The following TUBGCP3 variants were observed in gnomAD, a reference collection of about 807,000 sequenced individuals.
TUBGCP3 encodes the protein gamma-tubulin complex component 3.
In TUBGCP3, 50 loss-of-function variants were observed where a neutral mutation model predicts 123.1. That is an observed-to-expected ratio of 0.41 (90% CI 0.32 to 0.51). TUBGCP3 has a LOEUF of 0.51. Ranked by LOEUF, TUBGCP3 falls within the 20% of genes least tolerant of loss-of-function variation. The pLI, the probability that TUBGCP3 is intolerant of heterozygous loss-of-function variation, is 0.36. For synonymous variants in TUBGCP3, 405 were observed against 413.9 expected, an observed-to-expected ratio of 0.98 and a Z score of 0.26; for missense variants, 882 against 1,127.0, an observed-to-expected ratio of 0.78 and a Z score of 3.11.
intron 10 of TUBGCP3, chr13:112,547,154 C>T (rs1434983587): frequency 3.1e-6 from 1 of 326,250 alleles, no homozygotes; most frequent in Non-Finnish European, 5.5e-6. Flanking sequence ...CCGAGAGTCA[C>T]CAACATGGTC....
intron 11 of TUBGCP3, among the ~76,000 whole-genome samples, chr13:112,541,279 C>T (rs1878496303): frequency 6.6e-6 from 1 of 152,168 alleles, no homozygotes; most frequent in Non-Finnish European, 1.5e-5. Context: ...TGGTGGCTCT[C>T]GCCTGTAATC....
At chr13:112,568,541 C>T (rs1156743993) in intron 2 of TUBGCP3, among the ~76,000 whole-genome samples, 3 of 140,384 alleles carry the variant, frequency 2.1e-5, no homozygotes, top group Non-Finnish European at 4.7e-5. Context: ...GAAGGTGTTA[C>T]TACTGAGACC....
At chr13:112,557,884 ACAGT>A (rs1378657176) in intron 5 of TUBGCP3, among the ~76,000 whole-genome samples, 1 of 152,254 alleles carries the variant, frequency 6.6e-6, no homozygotes, top group Non-Finnish European at 1.5e-5. Context: ...ATCTGAGCAC[ACAGT>A]CAGAGAGCCT....
At chr13:112,530,337 T>C (rs906659708) in intron 11 of TUBGCP3, among the ~76,000 whole-genome samples, 5 of 152,264 alleles carry the variant, frequency 3.3e-5, no homozygotes, top group Non-Finnish European at 5.9e-5. Context: ...TACAAAATAT[T>C]ACCATGTAGT....
At chr13:112,565,795 T>A (rs1880910598) in intron 2 of TUBGCP3, among the ~76,000 whole-genome samples, 1 of 152,022 alleles carries the variant, frequency 6.6e-6, no homozygotes, top group South Asian at 2.1e-4. Flanking sequence ...ATTAGCTGGG[T>A]GTGTTAGCGG....
chr13:112,533,385 T>G (rs1877754974), intron 11 of TUBGCP3, among the ~76,000 whole-genome samples: 1 of 152,194 alleles, frequency 6.6e-6, no homozygotes, highest in Admixed American at 6.5e-5. Context: ...TCTCTCATGT[T>G]TGCAAAAGCA....
chr13:112,497,473 C>T (rs1357321682), intron 20 of TUBGCP3, among the ~76,000 whole-genome samples: 2 of 152,210 alleles, frequency 1.3e-5, no homozygotes, highest in East Asian at 3.8e-4. Context: ...ACATATGGTC[C>T]TCTAACACAG....
the TUBGCP3 span, among the ~76,000 whole-genome samples, chr13:112,597,767 T>C: frequency 6.6e-6 from 1 of 150,690 alleles, no homozygotes; most frequent in Non-Finnish European, 1.5e-5. Flanking sequence ...GAAAACATGC[T>C]GAGAAAAGGA....
intron 11 of TUBGCP3, among the ~76,000 whole-genome samples, chr13:112,539,232 T>C (rs901575681): frequency 1.3e-5 from 2 of 152,146 alleles, no homozygotes; most frequent in African/African-American, 2.4e-5. Flanking sequence ...ATCTGGAAGA[T>C]GGGGAAGGGA....
At chr13:112,550,230 C>G (rs938718402) in intron 8 of TUBGCP3, among the ~76,000 whole-genome samples, 1 of 152,016 alleles carries the variant, frequency 6.6e-6, no homozygotes. Context: ...TTTTATCCAG[C>G]AAAACTCCAT....
chr13:112,598,860 C>T, the TUBGCP3 span, among the ~76,000 whole-genome samples: 2 of 151,280 alleles, frequency 1.3e-5, no homozygotes, highest in Non-Finnish European at 2.9e-5. Flanking sequence ...GCAGGAGAAT[C>T]GCTTGAACCT....
At chr13:112,495,376 A>G (rs1046149032) in intron 20 of TUBGCP3, among the ~76,000 whole-genome samples, 2 of 152,174 alleles carry the variant, frequency 1.3e-5, no homozygotes, top group Non-Finnish European at 2.9e-5. Flanking sequence ...AGGAGCGTGT[A>G]TGTCTCACTC....
intron 21 of TUBGCP3, among the ~76,000 whole-genome samples, chr13:112,488,493 G>T (rs965154222): frequency 3.9e-5 from 6 of 152,190 alleles, no homozygotes; most frequent in Non-Finnish European, 8.8e-5. Context: ...CCCAGGCTGG[G>T]CAGCTGTCTC....
chr13:112,547,582 C>A lies in TUBGCP3; in HGVS notation c.1168+38G>T, dbSNP rs374508177. On this transcript the variant is annotated intron_variant, in intron 10 of 21. Coordinates refer to ENST00000261965, the MANE Select transcript of TUBGCP3 (RefSeq NM_006322.6). ...GAAAGTCGCGCGTGGGAAAGTCGCG[C>A]GTGGGAAAGACGTGCGTGGGAAAGA... is the stretch of plus-strand genomic sequence containing the variant. 6.9e-6 allele frequency: 10 copies of A among 1,439,870 alleles called. No homozygotes were observed. The African/African-American group carries it at 1.5e-4, about 21-fold the overall frequency. 89.2% of individuals were successfully genotyped at this position (1,439,870 alleles called of 1,614,324 possible). A position where few individuals can be genotyped will look rare whatever the true frequency, so the allele number is the denominator to read the frequency against.
chr13:112,554,540 G>A (rs1177231499), intron 7 of TUBGCP3, among the ~76,000 whole-genome samples: 1 of 152,200 alleles, frequency 6.6e-6, no homozygotes, highest in South Asian at 2.1e-4. Flanking sequence ...ACAAAAGTGG[G>A]TGAAGACCCC....
chr13:112,512,765 C>T (rs971181373), intron 17 of TUBGCP3, among the ~76,000 whole-genome samples: 1 of 152,120 alleles, frequency 6.6e-6, no homozygotes, highest in Non-Finnish European at 1.5e-5. Context: ...TCTCCACTAA[C>T]CACTGTTCCC....
At chr13:112,494,089 T>C (rs1880358443) in intron 20 of TUBGCP3, among the ~76,000 whole-genome samples, 2 of 151,848 alleles carry the variant, frequency 1.3e-5, no homozygotes, top group African/African-American at 4.8e-5. Context: ...GAACGGGGCC[T>C]GGTGTGCCTG....
At chr13:112,576,854 G>A (rs1323849336) in intron 1 of TUBGCP3, among the ~76,000 whole-genome samples, 1 of 149,412 alleles carries the variant, frequency 6.7e-6, no homozygotes, top group African/African-American at 2.5e-5. Flanking sequence ...GATAAAATCT[G>A]GAAAAAGAAC....
chr13:112,553,985 G>T (rs539045319), intron 8 of TUBGCP3, 72 bp downstream of exon 8: 19 of 1,561,816 alleles, frequency 1.2e-5, no homozygotes, highest in Non-Finnish European at 1.6e-5. Context: ...CTATTTCACA[G>T]TAAGATTTCA....
Sources: gnomAD v4.1 joint callset for allele counts (sites outside exome capture counted in the v4.1 genomes callset) on GRCh38, gnomAD v4.1.1 for gene constraint, MANE v1.5 for transcripts, NCBI Gene and HGNC (gene_info 2026-07-23, HGNC 2026-07-21) for gene names.